Variants in INPP4B observed in about 807,000 individuals in gnomAD.
The protein encoded by INPP4B is inositol polyphosphate-4-phosphatase type II B, also known as inositol polyphosphate 4-phosphatase type II.
In INPP4B, 55 loss-of-function variants were observed where a neutral mutation model predicts 122.5. The observed-to-expected ratio is 0.45, with a 90% CI of 0.36 to 0.56. INPP4B has a LOEUF of 0.56. Ranked by LOEUF, INPP4B falls within the 20% of genes least tolerant of loss-of-function variation. The pLI, the probability that INPP4B is intolerant of heterozygous loss-of-function variation, is 0.00. For synonymous variants in INPP4B, 403 were observed against 388.7 expected (o/e 1.04, Z -0.43); for missense variants, 1,000 against 1,097.7 (o/e 0.91, Z 1.26).
intron 1 of INPP4B, among the ~76,000 whole-genome samples, chr4:142,842,682 ATAT>A (rs1389271019): frequency 7.6e-6 from 1 of 132,036 alleles, no homozygotes; most frequent in Non-Finnish European, 1.6e-5. Context: ...TAATATTAAT[ATAT>A]TAATATAATA....
intron 2 of INPP4B, among the ~76,000 whole-genome samples, chr4:142,704,340 T>A (rs957024920): frequency 6.6e-6 from 1 of 152,166 alleles, no homozygotes; most frequent in Non-Finnish European, 1.5e-5. Flanking sequence ...ACTATAAAAA[T>A]TAATTGCATT....
At chr4:142,399,049 A>G (rs1205142627) in intron 7 of INPP4B, among the ~76,000 whole-genome samples, 1 of 152,186 alleles carries the variant, frequency 6.6e-6, no homozygotes, top group African/African-American at 2.4e-5. Context: ...ATATGTTTGC[A>G]GATTTGATGG....
Position 142,028,908 on chromosome 4 carries a change from T to C in INPP4B, c.2649A>G (p.Gly883=). ...TCTTCAGTACATTCTCTATGCGGCA[T>C]CCTTCTCTGGTGAAAGGGGAAAAAG... The part of the protein sequence containing the change: ...IRALDCMRRE[G]CRIENVLKNI... The change falls in exon 26 of 26, where the codon GGA becomes GGG. Residue 883 remains glycine, a synonymous_variant. Coordinates refer to ENST00000262992, the MANE Select transcript of INPP4B (RefSeq NM_001101669.3). The C allele has an allele frequency of 6.2e-7, 1 of 1,610,364 alleles. No homozygotes were observed. The highest frequency in any genetic ancestry group is 1.1e-5 in the South Asian group (1 of 90,022).
intron 25 of INPP4B, among the ~76,000 whole-genome samples, chr4:142,052,904 G>A (rs569246284): frequency 9.9e-5 from 15 of 151,946 alleles, no homozygotes; most frequent in Non-Finnish European, 1.9e-4. Flanking sequence ...CATTCATCAT[G>A]TACCAGGCAC....
intron 7 of INPP4B, among the ~76,000 whole-genome samples, chr4:142,392,037 A>C (rs1402549901): frequency 2.6e-5 from 4 of 152,202 alleles, no homozygotes; most frequent in Non-Finnish European, 4.4e-5. Context: ...CAACCTCTTC[A>C]CAATCTAGAA....
intron 14 of INPP4B, among the ~76,000 whole-genome samples, chr4:142,194,352 G>A (rs952981052): frequency 6.6e-6 from 1 of 152,126 alleles, no homozygotes; most frequent in African/African-American, 2.4e-5. Context: ...CATTAGATCT[G>A]TAAGAAATTT....
intron 11 of INPP4B, among the ~76,000 whole-genome samples, chr4:142,258,061 T>C (rs1324897033): frequency 2.0e-5 from 3 of 151,922 alleles, no homozygotes; most frequent in East Asian, 1.9e-4. Context: ...AATCTACAAC[T>C]ATCTGATCTT....
chr4:142,720,765 C>A (rs1403217068), intron 2 of INPP4B, among the ~76,000 whole-genome samples: 913 of 12,450 alleles, frequency 0.073, 64 homozygotes, highest in African/African-American at 0.23. Context: ...TATATAATCT[C>A]TCTCTCTCTC....
At chr4:142,805,907 G>C (rs1778617534) in intron 1 of INPP4B, among the ~76,000 whole-genome samples, 1 of 152,088 alleles carries the variant, frequency 6.6e-6, no homozygotes, top group African/African-American at 2.4e-5. Flanking sequence ...ATTGTTCAAG[G>C]CTCAACTGTA....
intron 10 of INPP4B, among the ~76,000 whole-genome samples, chr4:142,261,701 G>A (rs1179655643): frequency 6.6e-6 from 1 of 152,058 alleles, no homozygotes; most frequent in Non-Finnish European, 1.5e-5. Context: ...TAAGAATCAT[G>A]TACACTGAGG....
At chr4:142,370,808 C>G (rs980739575) in intron 7 of INPP4B, among the ~76,000 whole-genome samples, 1 of 151,896 alleles carries the variant, frequency 6.6e-6, no homozygotes, top group African/African-American at 2.4e-5. Flanking sequence ...AATGGAAAAA[C>G]AACCCATGCT....
At position 142,208,501 on chromosome 4, in the gene INPP4B, T is replaced by C; in HGVS notation, c.996A>G (p.Lys332=). 6.2e-7 allele frequency: 1 copy of C among 1,600,300 alleles called. No homozygotes were observed. The highest frequency in any genetic ancestry group is 8.5e-7 in the Non-Finnish European group (1 of 1,172,702). ...GAACAAATTCTAATGTTTTCTCTCC[T>C]TTGCTGCTGCTTGATTTGAAAGAGG... ...TGSSFKSSSS[K]GEKTLEFVPI... The change falls in exon 14 of 26, where the codon AAA becomes AAG. Residue 332 remains lysine, a synonymous_variant. Coordinates refer to ENST00000262992, the MANE Select transcript of INPP4B (RefSeq NM_001101669.3).
chr4:142,207,268 T>C (rs1842946595), intron 14 of INPP4B, among the ~76,000 whole-genome samples: 1 of 152,178 alleles, frequency 6.6e-6, no homozygotes, highest in Non-Finnish European at 1.5e-5. Flanking sequence ...AACATCTCTT[T>C]GAGATCCTGA....
intron 2 of INPP4B, among the ~76,000 whole-genome samples, chr4:142,546,051 G>T (rs983823773): frequency 6.6e-6 from 1 of 151,734 alleles, no homozygotes; most frequent in East Asian, 1.9e-4. Flanking sequence ...GCCTAGTACT[G>T]ATTAGTGATT....
At chr4:142,056,989 T>C (rs1300333147) in intron 25 of INPP4B, among the ~76,000 whole-genome samples, 1 of 152,124 alleles carries the variant, frequency 6.6e-6, no homozygotes, top group Non-Finnish European at 1.5e-5. Context: ...GTTTTCACCC[T>C]TCATCTGTGA....
intron 2 of INPP4B, among the ~76,000 whole-genome samples, chr4:142,464,715 G>T (rs548174760): frequency 6.6e-6 from 1 of 152,046 alleles, no homozygotes; most frequent in Non-Finnish European, 1.5e-5. Context: ...ACTCAAAACA[G>T]AAAATAATAT....
intron 2 of INPP4B, among the ~76,000 whole-genome samples, chr4:142,473,704 T>C (rs3913164): frequency 0.19 from 29,347 of 152,110 alleles, 3,399 homozygotes; most frequent in East Asian, 0.45. Context: ...ACTTCTGCCA[T>C]AACTTGGCTG....
At chr4:142,541,337 T>A (rs1295381184) in intron 2 of INPP4B, among the ~76,000 whole-genome samples, 1 of 152,154 alleles carries the variant, frequency 6.6e-6, no homozygotes, top group African/African-American at 2.4e-5. Flanking sequence ...AGTAGAAAAT[T>A]AACATCTTTC....
chr4:142,820,848 T>G (rs935853395), intron 1 of INPP4B, among the ~76,000 whole-genome samples: 1 of 152,170 alleles, frequency 6.6e-6, no homozygotes, highest in Non-Finnish European at 1.5e-5. Context: ...TGTTTGTTTT[T>G]AATCTTTTTA....
Sources: allele counts gnomAD v4.1 joint callset (sites outside exome capture counted in the v4.1 genomes callset), GRCh38; gene constraint gnomAD v4.1.1; transcripts MANE v1.5; gene names NCBI Gene and HGNC (gene_info 2026-07-23, HGNC 2026-07-21).